Variants in INPP5A observed in about 807,000 individuals in gnomAD.
INPP5A encodes the protein inositol polyphosphate-5-phosphatase A.
INPP5A carries 14 observed loss-of-function variants against 65.2 expected under a neutral mutation model. The observed-to-expected ratio is 0.21, with a 90% CI of 0.14 to 0.34. The LOEUF (loss-of-function observed/expected upper bound fraction) is 0.34. Ranked by LOEUF, INPP5A falls within the 10% of genes least tolerant of loss-of-function variation. The pLI, the probability that INPP5A is intolerant of heterozygous loss-of-function variation, is 1.00. For missense variants in INPP5A, 431 were observed against 545.6 expected (o/e 0.79, Z 2.09); for synonymous variants, 207 against 208.3 (o/e 0.99, Z 0.05).
chr10:132,614,762 C>T (rs1324005647), intron 2 of INPP5A, among the ~76,000 whole-genome samples: 1 of 152,260 alleles, frequency 6.6e-6, no homozygotes, highest in Admixed American at 6.5e-5. Context: ...CCGATGAGAT[C>T]GCAAGGAGAG....
At chr10:132,578,988 C>T (rs1484386775) in intron 1 of INPP5A, among the ~76,000 whole-genome samples, 1 of 152,202 alleles carries the variant, frequency 6.6e-6, no homozygotes. Context: ...CTCTCATTGG[C>T]CCTAGGGAAG....
At chr10:132,567,190 C>T (rs1036851203) in intron 1 of INPP5A, among the ~76,000 whole-genome samples, 9 of 152,212 alleles carry the variant, frequency 5.9e-5, no homozygotes, top group Admixed American at 3.3e-4. Flanking sequence ...CAGGTGACAC[C>T]GTCCTTCTCA....
chr10:132,723,891 C>T (rs963404877), intron 8 of INPP5A, among the ~76,000 whole-genome samples: 3 of 148,232 alleles, frequency 2.0e-5, no homozygotes, highest in Admixed American at 2.0e-4. Context: ...TCACGGGACA[C>T]AGCAAGCGCT....
chr10:132,761,583 G>A (rs1846733964), intron 11 of INPP5A, among the ~76,000 whole-genome samples: 1 of 152,030 alleles, frequency 6.6e-6, no homozygotes. Context: ...CAGCACGGTG[G>A]GGCGGAGCCT....
At chr10:132,768,281 G>A (rs1317946980) in intron 12 of INPP5A, among the ~76,000 whole-genome samples, 184 of 120,388 alleles carry the variant, frequency 1.5e-3, no homozygotes, top group African/African-American at 5.7e-3. Flanking sequence ...AGAAAGATCC[G>A]TGGACCCCGA....
At position 132,547,958 on chromosome 10, in the gene INPP5A, G is replaced by A. The variant is rs1306513270; in HGVS notation, c.75+9787G>A. On this transcript the variant is annotated intron_variant, in intron 1 of 15. Coordinates refer to ENST00000368594, the MANE Select transcript of INPP5A (RefSeq NM_005539.5). This position sits in a 1 kb window ranked among gnomAD's most constrained non-coding sequence, Gnocchi z 5.5. ...TCCATCACCCAGGCTGGAGTACAAT[G>A]GCGTGATCTCACCTCACTGCGACCT... 6.6e-6 allele frequency among the ~76,000 whole-genome samples: 1 copy of A among 151,630 alleles called. No homozygotes were observed. Among genetic ancestry groups the A allele is most frequent in the Non-Finnish European group, 1.5e-5 (1 of 67,924 alleles).
intron 4 of INPP5A, among the ~76,000 whole-genome samples, chr10:132,677,568 C>T (rs2072983476): frequency 6.6e-6 from 1 of 152,258 alleles, no homozygotes; most frequent in African/African-American, 2.4e-5. Flanking sequence ...TTGCCGCCCT[C>T]AGATGTACCC....
intron 11 of INPP5A, among the ~76,000 whole-genome samples, chr10:132,752,548 G>A: frequency 6.9e-6 from 1 of 145,194 alleles, no homozygotes; most frequent in Admixed American, 6.8e-5. Context: ...GAGGGGCGTG[G>A]CGAGGAGGTG....
At chr10:132,634,101 CAG>C (rs1287659899) in intron 2 of INPP5A, among the ~76,000 whole-genome samples, 1 of 152,236 alleles carries the variant, frequency 6.6e-6, no homozygotes. Flanking sequence ...ATTCAATATC[CAG>C]TTAGGATTTA....
chr10:132,606,138 C>T (rs747410277), intron 1 of INPP5A, among the ~76,000 whole-genome samples: 21 of 152,256 alleles, frequency 1.4e-4, no homozygotes, highest in African/African-American at 3.4e-4. Context: ...CTGCTGGGCA[C>T]GCAGCTGCAG....
intron 1 of INPP5A, among the ~76,000 whole-genome samples, chr10:132,602,895 G>A (rs1002421720): frequency 6.6e-6 from 1 of 152,104 alleles, no homozygotes; most frequent in Non-Finnish European, 1.5e-5. Flanking sequence ...TTCCTTTTGT[G>A]TCTAGAAAGG....
intron 1 of INPP5A, among the ~76,000 whole-genome samples, chr10:132,560,331 A>G (rs2071187035): frequency 6.6e-6 from 1 of 152,206 alleles, no homozygotes; most frequent in Non-Finnish European, 1.5e-5. Context: ...TGACTTTTTA[A>G]GGAACTGCCA....
In INPP5A at chr10:132,637,825, G is replaced by A. The variant is rs1002097261; in HGVS notation, c.118-8043G>A. On this transcript the variant is annotated intron_variant, in intron 2 of 15. Transcript: ENST00000368594. This position sits in a 1 kb window ranked among gnomAD's most constrained non-coding sequence, Gnocchi z 4.1. ...TAGATTTGATTTTATCTGCAATGTG[G>A]GCTCCCGTCCTGTTCTGCCTCACGG... Among the ~76,000 whole-genome samples the A allele has an allele frequency of 3.3e-5, 5 of 152,112 alleles. No individual in the cohort carries two copies. The highest frequency in any genetic ancestry group is 2.6e-4 in the Admixed American group (4 of 15,282).
At chr10:132,679,370 C>T (rs1248325083) in intron 4 of INPP5A, among the ~76,000 whole-genome samples, 1 of 151,962 alleles carries the variant, frequency 6.6e-6, no homozygotes, top group Non-Finnish European at 1.5e-5. Flanking sequence ...CACGGGAGAC[C>T]CAAGTGGAGA....
chr10:132,574,703 T>G (rs930337536), intron 1 of INPP5A, among the ~76,000 whole-genome samples: 2 of 151,410 alleles, frequency 1.3e-5, no homozygotes, highest in African/African-American at 4.9e-5. Context: ...AGTATTTTTT[T>G]TTTTTGAGAC....
In INPP5A at chr10:132,719,360, G is replaced by A. The variant is rs557987312; in HGVS notation, c.648-7461G>A. Among the ~76,000 whole-genome samples the A allele has an allele frequency of 4.6e-4, 66 of 144,476 alleles. No individual in the cohort carries two copies. In the South Asian group the frequency reaches 5.3e-3, roughly 12 times the overall value. The allele number at this position is 144,476 out of a possible 152,430, so 94.8% of individuals were successfully genotyped here. ...TGTGGTACCTGGGTTCTGTCTGGGCGCCTTAGACGGCTGTCTTGCGGGTTC... is the reference window on the plus strand; with the variant it reads ...TGTGGTACCTGGGTTCTGTCTGGGCACCTTAGACGGCTGTCTTGCGGGTTC... On this transcript the variant is annotated intron_variant, in intron 8 of 15. Transcript: ENST00000368594.
intron 12 of INPP5A, among the ~76,000 whole-genome samples, chr10:132,767,039 C>A (rs1368758021): frequency 8.8e-6 from 1 of 113,850 alleles, no homozygotes; most frequent in Admixed American, 9.7e-5. Flanking sequence ...GAGGATGCGG[C>A]CTTGGAGCTT....
At chr10:132,693,563 T>C (rs573190050) in intron 5 of INPP5A, among the ~76,000 whole-genome samples, 1 of 152,190 alleles carries the variant, frequency 6.6e-6, no homozygotes, top group African/African-American at 2.4e-5. Context: ...ATCAAATACA[T>C]ATATTAGAAA....
In INPP5A at chr10:132,661,796, T is replaced by G. The variant is rs139741431; in HGVS notation, c.306+11291T>G. On this transcript the variant is annotated intron_variant, in intron 4 of 15. Transcript: ENST00000368594. ...TGATTAAGACTTCTTTGAATCTCAA[T>G]AATTAAATCAGTATAGTATTGGCAT... is the stretch of plus-strand genomic sequence containing the variant. Among the ~76,000 whole-genome samples the G allele has an allele frequency of 1.9e-4, 29 of 152,330 alleles. No individual in the cohort carries two copies. In the East Asian group the frequency reaches 5.2e-3, roughly 27 times the overall value.
Sources: gnomAD v4.1 joint callset for allele counts (sites outside exome capture counted in the v4.1 genomes callset) on GRCh38, gnomAD v4.1.1 for gene constraint, Gnocchi (gnomAD v3.1) non-coding constraint, MANE v1.5 for transcripts, NCBI Gene and HGNC (gene_info 2026-07-23, HGNC 2026-07-21) for gene names.